Variants in NTRK3 observed in about 807,000 individuals in gnomAD.
NTRK3 encodes the protein NT-3 growth factor receptor.
NTRK3 carries 24 observed loss-of-function variants against 91.7 expected under a neutral mutation model. That is an observed-to-expected ratio of 0.26 (90% CI 0.19 to 0.37). The LOEUF (loss-of-function observed/expected upper bound fraction) is 0.37, where lower values mean the gene tolerates loss of function less well. Among genes scored for constraint, NTRK3 ranks in the 10% least tolerant of loss-of-function variants. The pLI, the probability that NTRK3 is intolerant of heterozygous loss-of-function variation, is 1.00. For missense variants in NTRK3, 880 were observed against 1,068.9 expected (o/e 0.82, Z 2.46); for synonymous variants, 483 against 404.0 (o/e 1.20, Z -2.34).
intron 14 of NTRK3, among the ~76,000 whole-genome samples, chr15:87,992,277 G>C (rs1207247636): frequency 6.6e-6 from 1 of 152,046 alleles, no homozygotes; most frequent in African/African-American, 2.4e-5. Context: ...ACACTCTCTT[G>C]TTCACATAAA....
intron 13 of NTRK3, among the ~76,000 whole-genome samples, chr15:88,100,463 T>G (rs996148106): frequency 3.9e-5 from 6 of 152,190 alleles, no homozygotes; most frequent in African/African-American, 1.2e-4. Flanking sequence ...AAACCTCAGA[T>G]GGCGGAAACA....
intron 18 of NTRK3, among the ~76,000 whole-genome samples, chr15:87,877,451 A>T (rs1341032188): frequency 3.3e-5 from 5 of 151,974 alleles, no homozygotes; most frequent in Non-Finnish European, 7.4e-5. Flanking sequence ...AGGATGACTG[A>T]GCTGCATTCA....
In NTRK3 at chr15:88,240,315, C is replaced by T. The variant is rs1010999389; in HGVS notation, c.248+15591G>A. ...CTGAGACCTTAGAGACAACAATGCC[C>T]GATCCCGACACACCCGATAAACTGT... On this transcript the variant is annotated intron_variant, in intron 3 of 18. Coordinates refer to ENST00000394480, the Ensembl canonical transcript of NTRK3. The surrounding 1 kb of genome is among the most constrained non-coding windows in gnomAD (Gnocchi z 4.9). Among the ~76,000 whole-genome samples the T allele has an allele frequency of 2.6e-5, 4 of 152,148 alleles. No individual in the cohort carries two copies. Among genetic ancestry groups the T allele is most frequent in the Admixed American group, 2.0e-4 (3 of 15,278 alleles).
At chr15:88,086,603 C>T (rs2048525159) in intron 13 of NTRK3, among the ~76,000 whole-genome samples, 1 of 152,142 alleles carries the variant, frequency 6.6e-6, no homozygotes, top group Admixed American at 6.5e-5. Flanking sequence ...GACTCTAGAC[C>T]TAAATTTGGT....
intron 6 of NTRK3, among the ~76,000 whole-genome samples, chr15:88,142,106 G>C (rs1398478067): frequency 6.6e-6 from 1 of 152,222 alleles, no homozygotes; most frequent in Non-Finnish European, 1.5e-5. Flanking sequence ...ATCCGGACAA[G>C]AGAGGATTCA....
chr15:87,937,755 G>A lies in NTRK3; in HGVS notation c.1716+2868C>T, dbSNP rs1052158563. Reference sequence around the variant, plus strand: ...GAAATACATTTTCTAAAGAAAACAAGAAGGCATGCCACAAGAAGGGGGAGA... The same window carrying A: ...GAAATACATTTTCTAAAGAAAACAAAAAGGCATGCCACAAGAAGGGGGAGA... On this transcript the variant is annotated intron_variant, in intron 15 of 18. Coordinates refer to ENST00000394480, the Ensembl canonical transcript of NTRK3. Among the ~76,000 whole-genome samples, 9 of 152,022 alleles carry A rather than the reference G, an allele frequency of 5.9e-5. No individual in the cohort carries two copies. The South Asian group carries it at 6.2e-4, about 11-fold the overall frequency.
intron 3 of NTRK3, among the ~76,000 whole-genome samples, chr15:88,224,920 G>A (rs901544555): frequency 1.3e-5 from 2 of 152,240 alleles, no homozygotes; most frequent in African/African-American, 4.8e-5. Context: ...GGGGAGCAGG[G>A]TGTCACTAGT....
chr15:88,113,282 G>C (rs1356294690), intron 13 of NTRK3, among the ~76,000 whole-genome samples: 1 of 149,434 alleles, frequency 6.7e-6, no homozygotes, highest in African/African-American at 2.5e-5. Flanking sequence ...AGGAGCTCTT[G>C]GTAGACTCCC....
chr15:87,892,305 G>A (rs773991395), intron 17 of NTRK3, among the ~76,000 whole-genome samples: 1 of 152,136 alleles, frequency 6.6e-6, no homozygotes, highest in Non-Finnish European at 1.5e-5. Flanking sequence ...CAAACGACTG[G>A]AGAGGGACAA....
chr15:88,201,946 C>A (rs1027074965), intron 3 of NTRK3, among the ~76,000 whole-genome samples: 1 of 152,138 alleles, frequency 6.6e-6, no homozygotes, highest in Non-Finnish European at 1.5e-5. Context: ...AAGTCACTCT[C>A]TCTTCTATTT....
intron 3 of NTRK3, among the ~76,000 whole-genome samples, chr15:88,185,382 T>C (rs1345381979): frequency 1.3e-5 from 2 of 152,164 alleles, no homozygotes; most frequent in Non-Finnish European, 2.9e-5. Flanking sequence ...GATTTCTGGG[T>C]TTATTGTTTT....
chr15:88,197,001 G>A (rs2047879829), intron 3 of NTRK3, among the ~76,000 whole-genome samples: 1 of 145,628 alleles, frequency 6.9e-6, no homozygotes, highest in African/African-American at 2.5e-5. Flanking sequence ...CAGCAGAGAT[G>A]GTCAGTCAAT....
chr15:87,996,244 T>C (rs1348877802), intron 14 of NTRK3, among the ~76,000 whole-genome samples: 2 of 151,790 alleles, frequency 1.3e-5, no homozygotes, highest in Admixed American at 1.3e-4. Context: ...ACTCCGTCTC[T>C]AAAAATAAAA....
intron 17 of NTRK3, among the ~76,000 whole-genome samples, chr15:87,881,074 A>G (rs1250572131): frequency 1.3e-5 from 2 of 152,254 alleles, no homozygotes; most frequent in Non-Finnish European, 2.9e-5. Context: ...CCTAAGGAGG[A>G]TATCAACCAC....
intron 3 of NTRK3, among the ~76,000 whole-genome samples, chr15:88,209,435 A>G (rs1010905095): frequency 7.2e-5 from 11 of 152,368 alleles, no homozygotes; most frequent in African/African-American, 2.6e-4. Context: ...AGGATGCCCT[A>G]TCAGTCAGAG....
At chr15:88,124,336 G>T (rs1269630268) in intron 13 of NTRK3, among the ~76,000 whole-genome samples, 1 of 152,200 alleles carries the variant, frequency 6.6e-6, no homozygotes, top group Non-Finnish European at 1.5e-5. Context: ...GCTGGGAGAA[G>T]CTCTGAGGAC....
At chr15:88,219,320 T>G (rs575542144) in intron 3 of NTRK3, among the ~76,000 whole-genome samples, 96 of 152,364 alleles carry the variant, frequency 6.3e-4, no homozygotes, top group Non-Finnish European at 1.2e-3. Flanking sequence ...ACAACTGGGC[T>G]GTCTACTAGG....
chr15:88,043,615 A>C (rs571776919), intron 13 of NTRK3, among the ~76,000 whole-genome samples: 8 of 152,338 alleles, frequency 5.3e-5, no homozygotes, highest in Admixed American at 2.0e-4. Flanking sequence ...CAAAGCCAAG[A>C]GAATGAGAAC....
chr15:88,101,269 C>T (rs2050144351), intron 13 of NTRK3, among the ~76,000 whole-genome samples: 2 of 152,282 alleles, frequency 1.3e-5, no homozygotes, highest in African/African-American at 2.4e-5. Context: ...TGAAAAAATG[C>T]TCATCATCAC....
Sources: gnomAD v4.1 joint callset for allele counts (sites outside exome capture counted in the v4.1 genomes callset) on GRCh38, gnomAD v4.1.1 for gene constraint, Gnocchi (gnomAD v3.1) non-coding constraint, MANE v1.5 for transcripts, NCBI Gene and HGNC (gene_info 2026-07-23, HGNC 2026-07-21) for gene names.